The following NSDHL variants were observed in gnomAD, a reference collection of about 807,000 sequenced individuals.
NSDHL encodes sterol-4-alpha-carboxylate 3-dehydrogenase, decarboxylating.
A neutral mutation model predicts 23.0 loss-of-function variants in NSDHL; 1 was observed. The ratio of observed to expected loss-of-function variants is 0.04; its 90% confidence interval spans 0.02 to 0.21. NSDHL has a LOEUF of 0.21. NSDHL is among the 10% of genes least tolerant of loss of function. NSDHL has a pLI of 1.00. For missense variants in NSDHL, 237 were observed against 300.9 expected (o/e 0.79, Z 1.57); for synonymous variants, 128 against 121.1 (o/e 1.06, Z -0.37).
chrX:152,839,319 G>A (rs1318330104), intron 1 of NSDHL, among the ~76,000 whole-genome samples: 3 of 112,055 alleles, frequency 2.7e-5, no homozygotes, highest in Non-Finnish European at 1.9e-5. Flanking sequence ...ATATTGTTAT[G>A]TGTGAATTTG....
At chrX:152,861,491 A>C (rs1166426525) in intron 4 of NSDHL, among the ~76,000 whole-genome samples, 2 of 112,909 alleles carry the variant, frequency 1.8e-5, no homozygotes, top group African/African-American at 6.4e-5. Flanking sequence ...TCACTTGGCT[A>C]TTCTGAGCCC....
At chrX:152,831,306 CG>C (rs1406789024) in intron 1 of NSDHL, among the ~76,000 whole-genome samples, 189 bp downstream of exon 1, 1 of 111,621 alleles carries the variant, frequency 9.0e-6, no homozygotes, top group Non-Finnish European at 1.9e-5. Context: ...ACTGTACTCA[CG>C]GGGCAACTGA....
intron 1 of NSDHL, among the ~76,000 whole-genome samples, chrX:152,833,340 C>G (rs1219262903): frequency 5.3e-5 from 2 of 37,447 alleles, no homozygotes; most frequent in Non-Finnish European, 1.1e-4. Flanking sequence ...CTGATTTGCT[C>G]TTGTCATTCC....
chrX:152,847,472 G>T (rs1203405376), intron 2 of NSDHL, among the ~76,000 whole-genome samples: 1 of 111,762 alleles, frequency 8.9e-6, no homozygotes, highest in Admixed American at 9.5e-5. Flanking sequence ...GGCCTCTGTG[G>T]TTGAAGCCAC....
chrX:152,869,219 T>C lies in NSDHL; in HGVS notation c.*103T>C. On this transcript the variant is annotated 3_prime_UTR_variant, in exon 8 of 8. Transcript: ENST00000370274. ...CCTTTGAATGAGTTTGCTCTGAGCC[T>C]GTGACTCCTTCTGCTAGGCAGAGAG... The C allele has an allele frequency of 1.4e-6, 1 of 696,588 alleles. No homozygotes were observed. The allele number at this position is 696,588 out of a possible 1,213,427, so 57.4% of individuals were successfully genotyped here.
chrX:152,865,974 A>T lies in NSDHL; in HGVS notation c.686+13A>T. ...AGTTCGTGATTGGGTGAGTCAGCCC[A>T]CAGCGGCTCTTCCCTAGTCCTTCCT... On this transcript the variant is annotated intron_variant, in intron 6 of 7. Transcript: ENST00000370274. 8.3e-7 allele frequency: 1 copy of T among 1,211,119 alleles called. No individual in the cohort carries two copies. The highest frequency in any genetic ancestry group is 1.1e-6 in the Non-Finnish European group (1 of 894,511).
chrX:152,850,255 C>G lies in NSDHL; in HGVS notation c.109-10C>G. ...CCCTGGTCTTCCCCACCGTTCCTCTCTTTCCACAGGCCAAGAGATGCACAG... is the reference window on the plus strand; with the variant it reads ...CCCTGGTCTTCCCCACCGTTCCTCTGTTTCCACAGGCCAAGAGATGCACAG... On this transcript the variant is annotated splice_polypyrimidine_tract_variant and intron_variant, in intron 2 of 7. Transcript: ENST00000370274. The G allele has an allele frequency of 8.3e-7, 1 of 1,211,320 alleles. No individual in the cohort carries two copies. The highest frequency in any genetic ancestry group is 1.7e-5 in the African/African-American group (1 of 57,921).
intron 4 of NSDHL, among the ~76,000 whole-genome samples, chrX:152,860,948 T>C (rs1175882445): frequency 8.9e-6 from 1 of 112,294 alleles, no homozygotes; most frequent in Non-Finnish European, 1.9e-5. Flanking sequence ...TATACAATGA[T>C]ATCTTATTGA....
At chrX:152,842,889 T>G (rs1556845077) in intron 1 of NSDHL, among the ~76,000 whole-genome samples, 1 of 112,005 alleles carries the variant, frequency 8.9e-6, no homozygotes, top group African/African-American at 3.3e-5. Context: ...CTATTCTCAA[T>G]GTACATTTTA....
chrX:152,862,431 T>C (rs188022169), intron 4 of NSDHL, among the ~76,000 whole-genome samples, 165 bp from the exon 5 acceptor site: 4 of 112,816 alleles, frequency 3.5e-5, no homozygotes, highest in African/African-American at 1.3e-4. Flanking sequence ...TTTGGATTAT[T>C]TTAAGAAGGC....
chrX:152,854,732 T>C (rs1933413559), intron 3 of NSDHL, among the ~76,000 whole-genome samples: 1 of 110,222 alleles, frequency 9.1e-6, no homozygotes, highest in Admixed American at 9.6e-5. Context: ...TAAAATGTAC[T>C]TTCACCTGGG....
chrX:152,865,849 A>G lies in NSDHL; in HGVS notation c.574A>G (p.Asn192Asp). The G allele has an allele frequency of 8.2e-7, 1 of 1,212,336 alleles. No homozygotes were observed. Among genetic ancestry groups the G allele is most frequent in the Non-Finnish European group, 1.1e-6 (1 of 895,594 alleles). The change falls in exon 6 of 8, where the codon AAT becomes GAT. Residue 192 changes from asparagine (N) to aspartate (D), a missense_variant. This residue lies in a region of NSDHL where 39 missense variants were observed against 98.1 expected (regional missense o/e 0.40). Transcript: ENST00000370274. Reference sequence around the variant, plus strand: ...TCTGGGCGCCAACGATCCTGAGAAGAATTTCTTAACCACAGCCATCCGCCC... The same window carrying G: ...TCTGGGCGCCAACGATCCTGAGAAGGATTTCTTAACCACAGCCATCCGCCC... Reference protein sequence around the residue: ...AVLGANDPEKNFLTTAIRPHG... With the variant: ...AVLGANDPEKDFLTTAIRPHG...
At chrX:152,862,869 A>T (rs1933549236) in intron 5 of NSDHL, 145 bp downstream of exon 5, 1 of 630,330 alleles carries the variant, frequency 1.6e-6, no homozygotes, top group Admixed American at 2.6e-5. Context: ...AAATTTAAAA[A>T]TACTGTGAGA....
rs1201193618 is a variant in NSDHL at position 152,857,715 on chromosome X, A to G, written c.268-1055A>G. Reference sequence around the variant, plus strand: ...TTTGAATATAGACTAATTATTGGATAAGAACATCATATCTGTTAAGTTTCT... The same window carrying G: ...TTTGAATATAGACTAATTATTGGATGAGAACATCATATCTGTTAAGTTTCT... On this transcript the variant is annotated intron_variant, in intron 3 of 7. Coordinates refer to ENST00000370274, the MANE Select transcript of NSDHL (RefSeq NM_015922.3). 2.7e-5 allele frequency among the ~76,000 whole-genome samples: 3 copies of G among 112,057 alleles called. No homozygotes were observed. The East Asian group carries it at 8.4e-4, about 31-fold the overall frequency.
At chrX:152,838,994 C>A (rs1483357210) in intron 1 of NSDHL, among the ~76,000 whole-genome samples, 1 of 112,134 alleles carries the variant, frequency 8.9e-6, no homozygotes, top group Admixed American at 9.4e-5. Flanking sequence ...GTATTAGGTG[C>A]ATATATATTT....
chrX:152,833,346 A>G (rs1439555042), intron 1 of NSDHL, among the ~76,000 whole-genome samples: 1 of 25,281 alleles, frequency 4.0e-5, no homozygotes, highest in Non-Finnish European at 8.5e-5. Flanking sequence ...TGCTCTTGTC[A>G]TTCCCCCCCG....
At chrX:152,838,865 G>C (rs1386547512) in intron 1 of NSDHL, among the ~76,000 whole-genome samples, 2 of 111,689 alleles carry the variant, frequency 1.8e-5, no homozygotes, top group Non-Finnish European at 3.8e-5. Flanking sequence ...TTAACCTTCT[G>C]TCTTGTTGAT....
chrX:152,860,458 G>A (rs1486792380), intron 4 of NSDHL, among the ~76,000 whole-genome samples: 2 of 111,676 alleles, frequency 1.8e-5, no homozygotes, highest in Non-Finnish European at 3.8e-5. Flanking sequence ...GCTCACACAT[G>A]TAATCCCAGC....
chrX:152,845,705 C>A (rs1933261011), intron 1 of NSDHL, among the ~76,000 whole-genome samples: 1 of 111,684 alleles, frequency 9.0e-6, no homozygotes, highest in Non-Finnish European at 1.9e-5. Context: ...GCGGCTTTAA[C>A]TTAGCCAAGC....
Sources: gnomAD v4.1 joint callset for allele counts (sites outside exome capture counted in the v4.1 genomes callset) on GRCh38, gnomAD v4.1.1 for gene constraint, gnomAD v4.1.1 regional missense constraint, MANE v1.5 for transcripts, NCBI Gene and HGNC (gene_info 2026-07-23, HGNC 2026-07-21) for gene names.